ANKRD11: variants seen among roughly 807,000 people sequenced by gnomAD.
ANKRD11 encodes the protein ankyrin repeat domain 11.
Under a neutral mutation model 195.7 loss-of-function variants are expected in ANKRD11, and 17 were observed. That is an observed-to-expected ratio of 0.09 (90% CI 0.06 to 0.13). The LOEUF is 0.13. Ranked by LOEUF, ANKRD11 falls within the 10% of genes least tolerant of loss-of-function variation. The pLI is 1.00. For synonymous variants in ANKRD11, 1,953 were observed against 1,528.1 expected (o/e 1.28, Z -6.49); for missense variants, 3,735 against 3,566.1 (o/e 1.05, Z -1.21).
At chr16:89,290,021 C>A (rs2034922084) in intron 6 of ANKRD11, among the ~76,000 whole-genome samples, 2 of 152,212 alleles carry the variant, frequency 1.3e-5, no homozygotes, top group Non-Finnish European at 1.5e-5. Context: ...CAGAGCGAGA[C>A]CCTATCTAAA....
chr16:89,397,151 C>A (rs1287993094), intron 2 of ANKRD11, among the ~76,000 whole-genome samples: 1 of 152,092 alleles, frequency 6.6e-6, no homozygotes, highest in Non-Finnish European at 1.5e-5. Context: ...GCAGACATAC[C>A]CACAGAGCCA....
Position 89,284,270 on chromosome 16 carries a change from G to C in ANKRD11, c.2272C>G (p.Leu758Val). Residue 758 changes from leucine (L) to valine (V), a missense_variant, in exon 9 of 13, where the codon CTG (leucine) becomes GTG (valine). By Grantham distance (32) the Leu-to-Val change is conservative (BLOSUM62 1). Transcript: ENST00000301030. Reference protein sequence around the residue: ...LKEKSPKEEKLRLYKEERKKK... With the variant: ...LKEKSPKEEKVRLYKEERKKK... ...TTTCTCTCCTCTTTGTACAGTCTCA[G>C]TTTTTCTTCTTTCGGAGACTTTTCC... is the stretch of plus-strand genomic sequence containing the variant. 1 of 1,613,724 alleles carries C rather than the reference G, an allele frequency of 6.2e-7. No homozygotes were observed. Among genetic ancestry groups the C allele is most frequent in the Non-Finnish European group, 8.5e-7 (1 of 1,179,992 alleles).
chr16:89,435,801 C>CACAG (rs1351529504), intron 1 of ANKRD11, among the ~76,000 whole-genome samples: 2 of 140,194 alleles, frequency 1.4e-5, no homozygotes, highest in Non-Finnish European at 3.1e-5. Flanking sequence ...GCTCTTCACA[C>CACAG]ACACACACAC....
chr16:89,442,136 G>C (rs772687232), intron 1 of ANKRD11, among the ~76,000 whole-genome samples: 37 of 152,256 alleles, frequency 2.4e-4, no homozygotes, highest in Non-Finnish European at 3.4e-4. Flanking sequence ...GCAGTGCACC[G>C]AGGGCCAAGG....
At chr16:89,449,268 G>A (rs1186383097) in intron 1 of ANKRD11, among the ~76,000 whole-genome samples, 2 of 151,996 alleles carry the variant, frequency 1.3e-5, no homozygotes, top group African/African-American at 4.8e-5. Flanking sequence ...TGGAGGCTGA[G>A]GTGGGAGGAT....
intron 3 of ANKRD11, among the ~76,000 whole-genome samples, chr16:89,313,784 G>A (rs563200448): frequency 6.6e-6 from 1 of 152,268 alleles, no homozygotes; most frequent in East Asian, 1.9e-4. Context: ...GCAACCAGGA[G>A]TGCGTCTTCC....
chr16:89,319,623 C>T (rs1019296321), intron 2 of ANKRD11, among the ~76,000 whole-genome samples: 7 of 152,228 alleles, frequency 4.6e-5, no homozygotes, highest in East Asian at 1.9e-4. Context: ...CCCCAGCCCC[C>T]GCCTCTCCAT....
chr16:89,305,225 C>T lies in ANKRD11; in HGVS notation c.207G>A (p.Glu69=), dbSNP rs549000119. ...KLPFTAGANG[E]QKDSDTEKQG... ...TGGTACCTGTGTCCGAGTCCTTCTG[C>T]TCCCCATTGGCGCCCGCGGTGAAGG... is the stretch of plus-strand genomic sequence containing the variant. The change falls in exon 4 of 13, where the codon GAG becomes GAA. Residue 69 remains glutamate, a synonymous_variant. Coordinates refer to ENST00000301030, the MANE Select transcript of ANKRD11 (RefSeq NM_013275.6). 36 of 1,613,272 alleles carry T rather than the reference C, an allele frequency of 2.2e-5. No homozygotes were observed. Among genetic ancestry groups the T allele is most frequent in the Non-Finnish European group, 2.7e-5 (32 of 1,179,886 alleles).
chr16:89,463,189 G>C (rs958114359), intron 1 of ANKRD11, among the ~76,000 whole-genome samples: 2 of 152,236 alleles, frequency 1.3e-5, no homozygotes, highest in African/African-American at 4.8e-5. Context: ...ACAGCTCATT[G>C]AGAACGGGCC....
chr16:89,331,301 T>C (rs956436719), intron 2 of ANKRD11, among the ~76,000 whole-genome samples: 3 of 152,188 alleles, frequency 2.0e-5, no homozygotes, highest in African/African-American at 7.2e-5. Context: ...CTTTTTACTC[T>C]ATAATGAGGC....
chr16:89,383,774 G>A (rs2040770736), intron 2 of ANKRD11, among the ~76,000 whole-genome samples: 1 of 152,076 alleles, frequency 6.6e-6, no homozygotes, highest in South Asian at 2.1e-4. Flanking sequence ...AAGCCAAGAA[G>A]GCCCAATGCC....
intron 4 of ANKRD11, among the ~76,000 whole-genome samples, chr16:89,294,852 T>A (rs1390724268): frequency 6.6e-6 from 1 of 152,210 alleles, no homozygotes; most frequent in Non-Finnish European, 1.5e-5. Flanking sequence ...GAGGAGAGGC[T>A]GCAAAACCTG....
intron 2 of ANKRD11, chr16:89,323,332 A>C (rs2037455083): frequency 7.8e-7 from 1 of 1,288,614 alleles, no homozygotes; most frequent in Admixed American, 2.3e-5. Context: ...TGGCAATCCC[A>C]GGTATGGAAG....
chr16:89,484,231 T>G (rs566370728), intron 1 of ANKRD11, among the ~76,000 whole-genome samples: 1 of 152,358 alleles, frequency 6.6e-6, no homozygotes, highest in Admixed American at 6.5e-5. Context: ...TTTTTACTTT[T>G]ATTTCCTGTT....
intron 2 of ANKRD11, among the ~76,000 whole-genome samples, chr16:89,360,158 T>C (rs1384736321): frequency 6.6e-6 from 1 of 152,222 alleles, no homozygotes; most frequent in Non-Finnish European, 1.5e-5. Context: ...ACATGTAGTA[T>C]TTGGTTTTCT....
chr16:89,318,388 C>A (rs1008362049), intron 2 of ANKRD11, among the ~76,000 whole-genome samples: 1 of 152,224 alleles, frequency 6.6e-6, no homozygotes, highest in African/African-American at 2.4e-5. Flanking sequence ...GCCGCACCGT[C>A]AGTTAGAAAA....
intron 1 of ANKRD11, among the ~76,000 whole-genome samples, chr16:89,440,404 T>C (rs2043398779): frequency 6.6e-6 from 1 of 152,018 alleles, no homozygotes; most frequent in Admixed American, 6.6e-5. Context: ...GGCCAGAAGT[T>C]CAGACCAGCC....
intron 2 of ANKRD11, among the ~76,000 whole-genome samples, chr16:89,397,385 G>T (rs1027385904): frequency 3.9e-5 from 6 of 152,232 alleles, no homozygotes; most frequent in Non-Finnish European, 7.3e-5. Context: ...TTTTCTCAAA[G>T]AAGCTGAAGC....
At chr16:89,407,062 T>C (rs1475121569) in intron 2 of ANKRD11, among the ~76,000 whole-genome samples, 2 of 152,010 alleles carry the variant, frequency 1.3e-5, no homozygotes, top group Non-Finnish European at 2.9e-5. Flanking sequence ...GGCAGGCATC[T>C]GTAACCCCAG....
Sources: gnomAD v4.1 joint callset for allele counts (sites outside exome capture counted in the v4.1 genomes callset) on GRCh38, gnomAD v4.1.1 for gene constraint, MANE v1.5 for transcripts, NCBI Gene and HGNC (gene_info 2026-07-23, HGNC 2026-07-21) for gene names.